CDKN2B-AS1: variants seen among roughly 807,000 people sequenced by gnomAD.
CDKN2B-AS1 encodes the protein CDKN2B and CDKN2A antisense cis and trans regulatory RNA 1.
At chr9:22,066,796 C>G (rs1253235158) in intron 4 of CDKN2B-AS1, among the ~76,000 whole-genome samples, 1 of 151,946 alleles carries the variant, frequency 6.6e-6, no homozygotes, top group Admixed American at 6.6e-5. Flanking sequence ...TTCACAATAG[C>G]AAAGACTTGG....
At position 22,006,272 on chromosome 9, in the gene CDKN2B-AS1, G is replaced by T; in HGVS notation, n.29+11111G>T. The T allele has an allele frequency of 6.2e-7, 1 of 1,601,108 alleles. No individual in the cohort carries two copies. Among genetic ancestry groups the T allele is most frequent in the Non-Finnish European group, 8.5e-7 (1 of 1,179,838 alleles). The stretch of plus-strand genomic sequence containing the variant: ...CCTGCCAGAGAGAGCAGAGTGGTCA[G>T]AGCCAGGGTGGGGGCAGGTATGGGA... On this transcript the variant is annotated intron_variant and non_coding_transcript_variant, in intron 1 of 4. Transcript: ENST00000650946. This position sits in a 1 kb window ranked among gnomAD's most constrained non-coding sequence, Gnocchi z 6.4.
chr9:21,999,609 C>T lies in CDKN2B-AS1; in HGVS notation n.29+4448C>T, dbSNP rs1244834130. ...GTAACTTCAGCTAAAGCAATTCACT[C>T]CTATATAAATTGCTACAGATAACTT... On this transcript the variant is annotated intron_variant and non_coding_transcript_variant, in intron 1 of 4. Coordinates refer to ENST00000650946, the Ensembl canonical transcript of CDKN2B-AS1. This position sits in a 1 kb window ranked among gnomAD's most constrained non-coding sequence, Gnocchi z 4.7. 2.0e-5 allele frequency among the ~76,000 whole-genome samples: 3 copies of T among 152,042 alleles called. No homozygotes were observed. The highest frequency in any genetic ancestry group is 4.4e-5 in the Non-Finnish European group (3 of 67,986).
intron 1 of CDKN2B-AS1, chr9:22,012,494 A>T (rs1271368727): frequency 2.8e-5 from 19 of 672,400 alleles, no homozygotes; most frequent in Non-Finnish European, 4.7e-5. Flanking sequence ...CCGCAAGAAG[A>T]AGTGTGGCCA....
At chr9:22,016,889 A>G (rs1259579816) in intron 1 of CDKN2B-AS1, among the ~76,000 whole-genome samples, 2 of 152,194 alleles carry the variant, frequency 1.3e-5, no homozygotes, top group Non-Finnish European at 2.9e-5. Flanking sequence ...CATAATTGCT[A>G]TGTTTTAACC....
chr9:22,094,393 G>C (rs1205274780), intron 4 of CDKN2B-AS1, among the ~76,000 whole-genome samples: 1 of 144,300 alleles, frequency 6.9e-6, no homozygotes, highest in Non-Finnish European at 1.5e-5. Context: ...AGTTCTCCTG[G>C]ATAATATCCT....
exon 5 of CDKN2B-AS1, among the ~76,000 whole-genome samples, chr9:22,127,162 A>G (rs568156710): frequency 6.6e-6 from 1 of 151,858 alleles, no homozygotes; most frequent in African/African-American, 2.4e-5. Flanking sequence ...GCTCACTGCA[A>G]CCTCTGCTAC....
chr9:22,072,971 G>T (rs73650037), intron 4 of CDKN2B-AS1, among the ~76,000 whole-genome samples: 1 of 152,152 alleles, frequency 6.6e-6, no homozygotes, highest in Non-Finnish European at 1.5e-5. Context: ...TAGAAATCAT[G>T]AGTGTGAAAG....
At chr9:22,105,073 A>G (rs970014741) in intron 4 of CDKN2B-AS1, among the ~76,000 whole-genome samples, 12 of 152,218 alleles carry the variant, frequency 7.9e-5, no homozygotes, top group African/African-American at 2.7e-4. Flanking sequence ...TTAACCACCT[A>G]CTCACCAATT....
In CDKN2B-AS1 at chr9:22,076,003, T is replaced by C. The variant is rs536695647; in HGVS notation, n.438+19616T>C. Among the ~76,000 whole-genome samples the C allele has an allele frequency of 3.3e-5, 5 of 152,236 alleles. No homozygotes were observed. In the East Asian group the frequency reaches 9.7e-4, roughly 29 times the overall value. On this transcript the variant is annotated intron_variant and non_coding_transcript_variant, in intron 4 of 4. Transcript: ENST00000650946. ...TTGTGTCTGTCCTTTTAAAGTCAGG[T>C]ATGATTGATAGGAAAGTCAAGTACT...
chr9:22,083,470 G>A (rs879607672), intron 4 of CDKN2B-AS1, among the ~76,000 whole-genome samples: 1 of 152,184 alleles, frequency 6.6e-6, no homozygotes, highest in African/African-American at 2.4e-5. Context: ...TACAACAGTG[G>A]CTCCCAAATC....
chr9:22,006,272 G>A lies in CDKN2B-AS1; in HGVS notation n.29+11111G>A, dbSNP rs1275527487. On this transcript the variant is annotated intron_variant and non_coding_transcript_variant, in intron 1 of 4. Coordinates refer to ENST00000650946, the Ensembl canonical transcript of CDKN2B-AS1. The surrounding 1 kb of genome is among the most constrained non-coding windows in gnomAD (Gnocchi z 6.4). ...CCTGCCAGAGAGAGCAGAGTGGTCAGAGCCAGGGTGGGGGCAGGTATGGGA... is the reference window on the plus strand; with the variant it reads ...CCTGCCAGAGAGAGCAGAGTGGTCAAAGCCAGGGTGGGGGCAGGTATGGGA... 1 of 1,601,108 alleles carries A rather than the reference G, an allele frequency of 6.2e-7. No individual in the cohort carries two copies.
chr9:22,127,206 C>G (rs1205040078), exon 5 of CDKN2B-AS1, among the ~76,000 whole-genome samples: 2 of 152,134 alleles, frequency 1.3e-5, no homozygotes, highest in Non-Finnish European at 2.9e-5. Context: ...CTCAGCCTCC[C>G]AAGGAGCTGG....
At chr9:22,004,275 G>A (rs900591075) in intron 1 of CDKN2B-AS1, 1 of 232,312 alleles carries the variant, frequency 4.3e-6, no homozygotes, top group African/African-American at 2.2e-5. Flanking sequence ...CAACTCAAAT[G>A]TACTCCTTCT....
chr9:22,020,499 G>C (rs772150085), intron 1 of CDKN2B-AS1, among the ~76,000 whole-genome samples: 21 of 152,128 alleles, frequency 1.4e-4, no homozygotes, highest in Non-Finnish European at 2.6e-4. Context: ...CACCAGCAGA[G>C]TCTAAGTGTT....
chr9:22,121,695 C>T (rs1826107477), intron 4 of CDKN2B-AS1, among the ~76,000 whole-genome samples: 1 of 152,078 alleles, frequency 6.6e-6, no homozygotes, highest in African/African-American at 2.4e-5. Context: ...TCACTTAACA[C>T]AGTGTCCTCC....
At chr9:22,040,884 AG>A (rs2131263862) in intron 1 of CDKN2B-AS1, among the ~76,000 whole-genome samples, 1 of 152,176 alleles carries the variant, frequency 6.6e-6, no homozygotes, top group South Asian at 2.1e-4. Context: ...GAAATACTCA[AG>A]AGGTTCCCTG....
chr9:22,029,751 T>C (rs1822391631), intron 1 of CDKN2B-AS1: 4 of 387,940 alleles, frequency 1.0e-5, no homozygotes, highest in Non-Finnish European at 1.8e-5. Flanking sequence ...TTTTCATGTG[T>C]TTATTCTGAC....
At chr9:22,066,126 G>A (rs1008110008) in intron 4 of CDKN2B-AS1, 4 of 152,096 alleles carry the variant, frequency 2.6e-5, no homozygotes, top group Non-Finnish European at 4.4e-5. Context: ...TCACCTGCAA[G>A]TTTCTTTTAC....
intron 1 of CDKN2B-AS1, chr9:22,029,323 T>C (rs1008622297): frequency 1.1e-5 from 8 of 713,110 alleles, no homozygotes; most frequent in Middle Eastern, 2.4e-4. Flanking sequence ...GAGAGCCTGA[T>C]CATGTGTGGT....
Sources: allele counts gnomAD v4.1 joint callset (sites outside exome capture counted in the v4.1 genomes callset), GRCh38; gene constraint gnomAD v4.1.1; non-coding constraint Gnocchi (gnomAD v3.1); transcripts MANE v1.5; gene names NCBI Gene and HGNC (gene_info 2026-07-23, HGNC 2026-07-21).